CPNE4: variants seen among roughly 807,000 people sequenced by gnomAD.
The protein encoded by CPNE4 is copine-4.
CPNE4 carries 25 observed loss-of-function variants against 67.9 expected under a neutral mutation model. That is an observed-to-expected ratio of 0.37 (90% CI 0.27 to 0.51). The LOEUF is 0.51. Among genes scored for constraint, CPNE4 ranks in the 20% least tolerant of loss-of-function variants. CPNE4 has a pLI of 0.93. For missense variants in CPNE4, 464 were observed against 690.8 expected, an observed-to-expected ratio of 0.67 and a Z score of 3.68; for synonymous variants, 242 against 244.9, an observed-to-expected ratio of 0.99 and a Z score of 0.11.
intron 5 of CPNE4, among the ~76,000 whole-genome samples, chr3:131,694,499 C>G (rs540811078): frequency 2.9e-4 from 44 of 152,146 alleles, no homozygotes; most frequent in African/African-American, 8.2e-4. Context: ...TGCCCTAACA[C>G]GATGTGGAGT....
intron 11 of CPNE4, among the ~76,000 whole-genome samples, chr3:131,559,799 T>C (rs1299940339): frequency 6.6e-6 from 1 of 152,004 alleles, no homozygotes; most frequent in African/African-American, 2.4e-5. Context: ...TTTTACAAAA[T>C]GGATGATGGT....
intron 2 of CPNE4, among the ~76,000 whole-genome samples, chr3:131,847,375 A>T (rs1356656568): frequency 6.6e-6 from 1 of 152,172 alleles, no homozygotes; most frequent in Admixed American, 6.5e-5. Context: ...AGCTAGTGTA[A>T]CTAGTTCTGG....
At chr3:131,941,971 C>T (rs904871690) in intron 1 of CPNE4, among the ~76,000 whole-genome samples, 3 of 151,794 alleles carry the variant, frequency 2.0e-5, no homozygotes, top group Non-Finnish European at 4.4e-5. Context: ...TTTATTTTTA[C>T]CAAACAACCC....
intron 2 of CPNE4, among the ~76,000 whole-genome samples, chr3:131,789,115 G>A (rs1316457611): frequency 6.6e-6 from 1 of 151,864 alleles, no homozygotes; most frequent in Admixed American, 6.6e-5. Flanking sequence ...GGTCCTGGGT[G>A]TTTACCAGCC....
Position 131,955,510 on chromosome 3 carries a change from T to C in CPNE4, c.-1-50066A>G, listed in dbSNP as rs1201254466. On this transcript the variant is annotated intron_variant, in intron 1 of 15. Coordinates refer to ENST00000429747, the MANE Select transcript of CPNE4 (RefSeq NM_130808.3). The stretch of plus-strand genomic sequence containing the variant: ...CTGACCTGCTGAATCTCCCCTCCAC[T>C]TCTGGTCTTAGATGAAATGCCACAA... Among the ~76,000 whole-genome samples the C allele has an allele frequency of 2.1e-5, 3 of 141,022 alleles. No individual in the cohort carries two copies. The Admixed American group carries it at 2.3e-4, about 11-fold the overall frequency. The allele number at this position is 141,022 out of a possible 152,430, so 92.5% of individuals were successfully genotyped here.
intron 15 of CPNE4, among the ~76,000 whole-genome samples, chr3:131,541,276 G>T (rs971591420): frequency 2.6e-5 from 4 of 152,196 alleles, no homozygotes; most frequent in Non-Finnish European, 5.9e-5. Context: ...GTCCTTCTGG[G>T]TGATTACAGC....
At chr3:131,643,706 G>T (rs1187063907) in intron 7 of CPNE4, among the ~76,000 whole-genome samples, 1 of 152,130 alleles carries the variant, frequency 6.6e-6, no homozygotes, top group Non-Finnish European at 1.5e-5. Context: ...GTCATGGGAG[G>T]GACCTGGTGG....
chr3:131,644,161 T>TC (rs997515298), intron 7 of CPNE4, among the ~76,000 whole-genome samples: 45 of 151,986 alleles, frequency 3.0e-4, no homozygotes, highest in Non-Finnish European at 5.7e-4. Flanking sequence ...TTTCTTTTTT[T>TC]TTTTGAGATG....
intron 7 of CPNE4, among the ~76,000 whole-genome samples, chr3:131,625,273 T>G (rs2107766716): frequency 6.6e-6 from 1 of 152,322 alleles, no homozygotes; most frequent in Middle Eastern, 3.4e-3. Context: ...CTTTCATCCC[T>G]TCTCCATTCT....
chr3:131,618,023 G>A (rs1025847784), intron 7 of CPNE4, among the ~76,000 whole-genome samples: 6 of 152,206 alleles, frequency 3.9e-5, no homozygotes, highest in African/African-American at 4.8e-5. Flanking sequence ...TGTGGTACCT[G>A]TTTTCCAGAA....
At chr3:131,971,608 A>G (rs776442073) in intron 1 of CPNE4, among the ~76,000 whole-genome samples, 1 of 152,158 alleles carries the variant, frequency 6.6e-6, no homozygotes, top group Non-Finnish European at 1.5e-5. Flanking sequence ...ACTGTGCTCA[A>G]TATTTTTCTT....
intron 2 of CPNE4, among the ~76,000 whole-genome samples, chr3:131,738,616 G>C (rs1305999356): frequency 7.0e-6 from 1 of 142,142 alleles, no homozygotes; most frequent in Non-Finnish European, 1.6e-5. Context: ...TTTTGGTTTT[G>C]TGGGTTTTTT....
intron 2 of CPNE4, among the ~76,000 whole-genome samples, chr3:131,815,237 G>T (rs1423455016): frequency 6.6e-6 from 1 of 152,142 alleles, no homozygotes; most frequent in African/African-American, 2.4e-5. Context: ...ATTAGGTTCT[G>T]AGATCAAAAA....
chr3:131,886,916 C>T (rs937451726), intron 2 of CPNE4, among the ~76,000 whole-genome samples: 1 of 152,170 alleles, frequency 6.6e-6, no homozygotes, highest in Non-Finnish European at 1.5e-5. Context: ...AAGGGACATG[C>T]CTTGTCTCCA....
At position 132,034,967 on chromosome 3, in the gene CPNE4, G is replaced by GT. The variant is rs1397922512; in HGVS notation, c.-403dup. 3 of 985,560 alleles carry GT rather than the reference G, an allele frequency of 3.0e-6. No homozygotes were observed. Among genetic ancestry groups the GT allele is most frequent in the Non-Finnish European group, 3.6e-6 (3 of 830,182 alleles). 61.1% of individuals were successfully genotyped at this position (985,560 alleles called of 1,614,324 possible). Reference sequence around the variant, plus strand: ...GGCAGAAAGAGAAGGGGACGAGCGGGTGGCGGGGAGATGGCAGCTTCTCAC... The same window carrying GT: ...GGCAGAAAGAGAAGGGGACGAGCGGGTTGGCGGGGAGATGGCAGCTTCTCAC... On this transcript the variant is annotated 5_prime_UTR_variant, in exon 1 of 16. Transcript: ENST00000429747.
upstream of CPNE4, chr3:132,037,649 GC>G: frequency 6.6e-7 from 1 of 1,522,860 alleles, no homozygotes. Context: ...AGTCACTGTG[GC>G]CCTGGTGTTC....
chr3:131,695,557 T>C (rs1005290603), intron 5 of CPNE4, among the ~76,000 whole-genome samples: 4 of 152,224 alleles, frequency 2.6e-5, no homozygotes, highest in Non-Finnish European at 5.9e-5. Flanking sequence ...CAGTGGCTTA[T>C]AATAGCACCA....
At chr3:131,826,801 G>T (rs2085177470) in intron 2 of CPNE4, among the ~76,000 whole-genome samples, 1 of 152,172 alleles carries the variant, frequency 6.6e-6, no homozygotes, top group East Asian at 1.9e-4. Flanking sequence ...GTAGGCTGAG[G>T]TGAGAGGATC....
At chr3:131,952,633 C>A (rs930859337) in intron 1 of CPNE4, among the ~76,000 whole-genome samples, 12 of 143,374 alleles carry the variant, frequency 8.4e-5, no homozygotes, top group Non-Finnish European at 3.1e-5. Context: ...GGTCAGCCCC[C>A]CTCCCGGCCA....
Sources: allele counts gnomAD v4.1 joint callset (sites outside exome capture counted in the v4.1 genomes callset), GRCh38; gene constraint gnomAD v4.1.1; transcripts MANE v1.5; gene names NCBI Gene and HGNC (gene_info 2026-07-23, HGNC 2026-07-21).